Variants in FAM110D observed in about 807,000 individuals in gnomAD.
FAM110D encodes the protein protein FAM110D.
For missense variants in FAM110D, 376 were observed against 395.6 expected (o/e 0.95, Z 0.42); for synonymous variants, 174 against 189.4 (o/e 0.92, Z 0.67).
chr1:26,159,357 G>A (rs2088339809), intron 1 of FAM110D, among the ~76,000 whole-genome samples: 1 of 152,344 alleles, frequency 6.6e-6, no homozygotes, highest in Middle Eastern at 3.4e-3. Flanking sequence ...CGGCCTCCAG[G>A]CTAGCCCAGA....
In FAM110D at chr1:26,163,850, G is replaced by A; in HGVS notation, c.*1743G>A. On this transcript the variant is annotated 3_prime_UTR_variant, in exon 2 of 2. Transcript: ENST00000374268. Reference sequence around the variant, plus strand: ...GTACAGGGACGGCGCACATAGTAGGGCCACAGGCACAGTTTGTTGAATTAA... The same window carrying A: ...GTACAGGGACGGCGCACATAGTAGGACCACAGGCACAGTTTGTTGAATTAA... 3.7e-6 allele frequency: 1 copy of A among 269,640 alleles called. No homozygotes were observed. Among genetic ancestry groups the A allele is most frequent in the Non-Finnish European group, 6.9e-6 (1 of 145,504 alleles). The allele number at this position is 269,640 out of a possible 1,614,324, so 16.7% of individuals were successfully genotyped here.
In FAM110D at chr1:26,162,057, C is replaced by T; in HGVS notation, c.766C>T (p.Leu256=). ...VERNARVIQW[L]YGCQRARGPP... Reference sequence around the variant, plus strand: ...GCGCAACGCGCGCGTCATCCAGTGGCTGTACGGCTGCCAGCGCGCCCGCGG... The same window carrying T: ...GCGCAACGCGCGCGTCATCCAGTGGTTGTACGGCTGCCAGCGCGCCCGCGG... Residue 256 remains leucine (L), a synonymous_variant, in exon 2 of 2, where the codon CTG becomes TTG. Transcript: ENST00000374268. This position sits in a 1 kb window ranked among gnomAD's most constrained non-coding sequence, Gnocchi z 5.3. 7.9e-7 allele frequency: 1 copy of T among 1,269,722 alleles called. No individual in the cohort carries two copies. Among genetic ancestry groups the T allele is most frequent in the Non-Finnish European group, 9.9e-7 (1 of 1,009,520 alleles). The allele number at this position is 1,269,722 out of a possible 1,614,324, so 78.7% of individuals were successfully genotyped here. A position where few individuals can be genotyped will look rare whatever the true frequency, so the allele number is the denominator to read the frequency against.
In FAM110D at chr1:26,161,603, C is replaced by A; in HGVS notation, c.312C>A (p.Gly104=). 1.9e-6 allele frequency: 3 copies of A among 1,550,524 alleles called. No homozygotes were observed. Among genetic ancestry groups the A allele is most frequent in the Non-Finnish European group, 2.6e-6 (3 of 1,147,054 alleles). ...KASVNKENAK[G]QGLVRRLFLG... ...CGGTGAACAAAGAGAACGCCAAGGGCCAGGGTCTGGTGCGGCGCCTCTTTC... is the reference window on the plus strand; with the variant it reads ...CGGTGAACAAAGAGAACGCCAAGGGACAGGGTCTGGTGCGGCGCCTCTTTC... The change falls in exon 2 of 2, where the codon GGC becomes GGA. Residue 104 remains glycine (G), a synonymous_variant. Transcript: ENST00000374268. This position sits in a 1 kb window ranked among gnomAD's most constrained non-coding sequence, Gnocchi z 5.4.
In FAM110D at chr1:26,162,935, T is replaced by C. The variant is rs2088384451; in HGVS notation, c.*828T>C. The C allele has an allele frequency of 6.6e-6, 1 of 150,664 alleles. No individual in the cohort carries two copies. Among genetic ancestry groups the C allele is most frequent in the Non-Finnish European group, 1.5e-5 (1 of 67,692 alleles). The allele number at this position is 150,664 out of a possible 1,614,324, so 9.3% of individuals were successfully genotyped here. ...GGAGGGTAGATCACGAGATCAGGAG[T>C]TCGAGACCAGCCTGGCCAACATGGG... On this transcript the variant is annotated 3_prime_UTR_variant, in exon 2 of 2. Transcript: ENST00000374268. The surrounding 1 kb of genome is among the most constrained non-coding windows in gnomAD (Gnocchi z 5.3).
rs2088375379 is a variant in FAM110D, at chr1:26,161,997, G to A, written c.706G>A (p.Ala236Thr). Residue 236 changes from alanine (A) to threonine (T), a missense_variant, in exon 2 of 2, where the codon GCG becomes ACG. By Grantham distance (58) the Ala-to-Thr change is moderately conservative (BLOSUM62 0). Coordinates refer to ENST00000374268, the MANE Select transcript of FAM110D (RefSeq NM_024869.3). This position sits in a 1 kb window ranked among gnomAD's most constrained non-coding sequence, Gnocchi z 5.4. ...GGGGSEAAGS[A>T]RDRRPPVSVV... ...CGGCGGCTCGGAGGCAGCGGGCTCG[G>A]CGCGGGACCGGCGCCCCCCGGTGTC... The A allele has an allele frequency of 8.1e-7, 1 of 1,236,096 alleles. No individual in the cohort carries two copies. Among genetic ancestry groups the A allele is most frequent in the Non-Finnish European group, 1.0e-6 (1 of 993,570 alleles). The allele number at this position is 1,236,096 out of a possible 1,614,324, so 76.6% of individuals were successfully genotyped here.
intron 1 of FAM110D, among the ~76,000 whole-genome samples, chr1:26,159,727 C>A (rs2088343656): frequency 1.3e-5 from 2 of 151,862 alleles, no homozygotes; most frequent in African/African-American, 4.8e-5. Flanking sequence ...CCTTTGTTGT[C>A]CCCAGATCCA....
intron 1 of FAM110D, among the ~76,000 whole-genome samples, chr1:26,160,405 T>A (rs1312377556): frequency 1.3e-5 from 2 of 152,068 alleles, no homozygotes; most frequent in Non-Finnish European, 2.9e-5. Flanking sequence ...CAGTGGGAAG[T>A]TCTGATAGGC....
intron 1 of FAM110D, among the ~76,000 whole-genome samples, chr1:26,159,659 G>A (rs1301578795): frequency 6.6e-6 from 1 of 150,862 alleles, no homozygotes; most frequent in Non-Finnish European, 1.5e-5. Flanking sequence ...GACCTGGCAG[G>A]GTCTCTGCCC....
rs1278043941 is a variant in FAM110D, at chr1:26,161,335, C to T, written c.44C>T (p.Pro15Leu). The change falls in exon 2 of 2, where the codon CCC becomes CTC. Residue 15 changes from proline (P) to leucine (L), a missense_variant. Pro to Leu is a moderately conservative substitution (Grantham distance 98). Transcript: ENST00000374268. This position sits in a 1 kb window ranked among gnomAD's most constrained non-coding sequence, Gnocchi z 5.4. The part of the protein sequence containing the change: ...PPSTPSRGRT[P>L]SAVERLEADK... ...TCCACCCCGTCCAGAGGACGGACCC[C>T]CAGCGCCGTGGAGAGGCTGGAAGCC... The T allele has an allele frequency of 1.3e-6, 2 of 1,591,820 alleles. No homozygotes were observed. The highest frequency in any genetic ancestry group is 1.7e-6 in the Non-Finnish European group (2 of 1,169,638).
In FAM110D at chr1:26,161,977, G is replaced by A. The variant is rs1397059146; in HGVS notation, c.686G>A (p.Gly229Asp). 1.6e-6 allele frequency: 2 copies of A among 1,242,454 alleles called. No individual in the cohort carries two copies. The highest frequency in any genetic ancestry group is 2.0e-6 in the Non-Finnish European group (2 of 997,980). The allele number at this position is 1,242,454 out of a possible 1,614,324, so 77.0% of individuals were successfully genotyped here. A position where few individuals can be genotyped will look rare whatever the true frequency, so the allele number is the denominator to read the frequency against. The change falls in exon 2 of 2, where the codon GGC becomes GAC. Residue 229 changes from glycine (G) to aspartate (D), a missense_variant. Coordinates refer to ENST00000374268, the MANE Select transcript of FAM110D (RefSeq NM_024869.3). The surrounding 1 kb of genome is among the most constrained non-coding windows in gnomAD (Gnocchi z 5.4). ...DSPGGAGGGG[G>D]SEAAGSARDR... ...CCGGGCGGCGCGGGCGGCGGCGGCG[G>A]CTCGGAGGCAGCGGGCTCGGCGCGG...
At position 26,163,326 on chromosome 1, in the gene FAM110D, CCTTCTCTTTTTTTTTTT is replaced by C. The variant is rs1399270361; in HGVS notation, c.*1220_*1236del. 5 of 78,382 alleles carry C rather than the reference CCTTCTCTTTTTTTTTTT, an allele frequency of 6.4e-5. No homozygotes were observed. Among genetic ancestry groups the C allele is most frequent in the Non-Finnish European group, 8.2e-5 (3 of 36,790 alleles). The allele number at this position is 78,382 out of a possible 1,614,324, so 4.9% of individuals were successfully genotyped here. On this transcript the variant is annotated 3_prime_UTR_variant, in exon 2 of 2. Transcript: ENST00000374268. ...TGCCGTTCCTTTTCTCTCTGCTCTT[CCTTCTCTTTTTTTTTTT>C]TTTTTTTTTTTTTTTTTTTGAGACG...
chr1:26,160,141 G>GA (rs2088349534), intron 1 of FAM110D, among the ~76,000 whole-genome samples: 2 of 151,258 alleles, frequency 1.3e-5, no homozygotes, highest in Non-Finnish European at 1.5e-5. Context: ...GCCCAGGCTG[G>GA]AGTGCAGTGG....
intron 1 of FAM110D, among the ~76,000 whole-genome samples, chr1:26,160,295 T>C (rs148268272): frequency 0.013 from 2,022 of 152,174 alleles, 27 homozygotes; most frequent in African/African-American, 0.044. Flanking sequence ...GGTTTTGCCA[T>C]GTTGGCCAGG....
chr1:26,161,980 C>T lies in FAM110D; in HGVS notation c.689C>T (p.Ser230Leu), dbSNP rs942409325. 8.1e-7 allele frequency: 1 copy of T among 1,240,126 alleles called. No homozygotes were observed. Among genetic ancestry groups the T allele is most frequent in the East Asian group, 3.2e-5 (1 of 31,114 alleles). 76.8% of individuals were successfully genotyped at this position (1,240,126 alleles called of 1,614,324 possible). The change falls in exon 2 of 2, where the codon TCG becomes TTG. Residue 230 changes from serine to leucine, a missense_variant. By Grantham distance (145) the Ser-to-Leu change is moderately radical. Transcript: ENST00000374268. The surrounding 1 kb of genome is among the most constrained non-coding windows in gnomAD (Gnocchi z 5.4). ...SPGGAGGGGG[S>L]EAAGSARDRR... ...GGCGGCGCGGGCGGCGGCGGCGGCT[C>T]GGAGGCAGCGGGCTCGGCGCGGGAC...
At position 26,162,151 on chromosome 1, in the gene FAM110D, GA is replaced by G. The variant is rs1222879985; in HGVS notation, c.*48del. 1.7e-6 allele frequency: 2 copies of G among 1,182,104 alleles called. No homozygotes were observed. The highest frequency in any genetic ancestry group is 3.8e-5 in the South Asian group (1 of 26,098). The allele number at this position is 1,182,104 out of a possible 1,614,324, so 73.2% of individuals were successfully genotyped here. A position where few individuals can be genotyped will look rare whatever the true frequency, so the allele number is the denominator to read the frequency against. Reference sequence around the variant, plus strand: ...GGCCCCGGGACTGGCCCCGGGCACGGAAAAGGACACCCCTCTTCTGGCGCGC... The same window carrying G: ...GGCCCCGGGACTGGCCCCGGGCACGGAAAGGACACCCCTCTTCTGGCGCGC... On this transcript the variant is annotated 3_prime_UTR_variant, in exon 2 of 2. Coordinates refer to ENST00000374268, the MANE Select transcript of FAM110D (RefSeq NM_024869.3). The surrounding 1 kb of genome is among the most constrained non-coding windows in gnomAD (Gnocchi z 5.3).
In FAM110D at chr1:26,161,450, C is replaced by G. The variant is rs1167630304; in HGVS notation, c.159C>G (p.His53Gln). The change falls in exon 2 of 2, where the codon CAC (histidine) becomes CAG (glutamine). Residue 53 changes from histidine (H) to glutamine (Q), a missense_variant. Physicochemically the swap from His to Gln is conservative, Grantham distance 24. Coordinates refer to ENST00000374268, the MANE Select transcript of FAM110D (RefSeq NM_024869.3). The surrounding 1 kb of genome is among the most constrained non-coding windows in gnomAD (Gnocchi z 5.4). ...LRGSPGPLTPHPCNELGPPAS... is the reference protein window; with the variant it reads ...LRGSPGPLTPQPCNELGPPAS... The stretch of plus-strand genomic sequence containing the variant: ...GGAGTCCTGGGCCGCTCACGCCGCA[C>G]CCCTGCAACGAGCTGGGGCCCCCTG... 5 of 1,573,458 alleles carry G rather than the reference C, an allele frequency of 3.2e-6. No homozygotes were observed. Among genetic ancestry groups the G allele is most frequent in the Non-Finnish European group, 3.4e-6 (4 of 1,159,856 alleles).
In FAM110D at chr1:26,161,274, C is replaced by T; in HGVS notation, c.-18C>T. 2.6e-6 allele frequency: 4 copies of T among 1,543,652 alleles called. No homozygotes were observed. Among genetic ancestry groups the T allele is most frequent in the Non-Finnish European group, 3.5e-6 (4 of 1,144,488 alleles). The stretch of plus-strand genomic sequence containing the variant: ...GGCTGGCTACTTATGGGGCACTGTC[C>T]TGACCAGCTCTGCTAAGATGCTCCT... On this transcript the variant is annotated 5_prime_UTR_variant, in exon 2 of 2. Transcript: ENST00000374268. This position sits in a 1 kb window ranked among gnomAD's most constrained non-coding sequence, Gnocchi z 5.4.
intron 1 of FAM110D, among the ~76,000 whole-genome samples, chr1:26,160,642 G>A (rs2088357405): frequency 6.6e-6 from 1 of 152,246 alleles, no homozygotes; most frequent in African/African-American, 2.4e-5. Flanking sequence ...GATCCCCTTG[G>A]CAGGGGCAGA....
rs911004136 is a variant in FAM110D, at chr1:26,161,955, G to A, written c.664G>A (p.Gly222Ser). 6.8e-5 allele frequency: 85 copies of A among 1,248,830 alleles called. No individual in the cohort carries two copies. Among genetic ancestry groups the A allele is most frequent in the Non-Finnish European group, 8.2e-5 (82 of 1,001,338 alleles). The allele number at this position is 1,248,830 out of a possible 1,614,324, so 77.4% of individuals were successfully genotyped here. A position where few individuals can be genotyped will look rare whatever the true frequency, so the allele number is the denominator to read the frequency against. ...TSSDRGVDSP[G>S]GAGGGGGSEA... ...CAGCGACAGGGGCGTGGACAGCCCG[G>A]GCGGCGCGGGCGGCGGCGGCGGCTC... Residue 222 changes from glycine to serine, a missense_variant, in exon 2 of 2, where the codon GGC (glycine) becomes AGC (serine). By Grantham distance (56) the Gly-to-Ser change is moderately conservative. Transcript: ENST00000374268. This position sits in a 1 kb window ranked among gnomAD's most constrained non-coding sequence, Gnocchi z 5.4.
Sources: allele counts gnomAD v4.1 joint callset (sites outside exome capture counted in the v4.1 genomes callset), GRCh38; gene constraint gnomAD v4.1.1; non-coding constraint Gnocchi (gnomAD v3.1); transcripts MANE v1.5; gene names NCBI Gene and HGNC (gene_info 2026-07-23, HGNC 2026-07-21).